Variants in SESN3 observed in about 807,000 individuals in gnomAD.
SESN3 encodes the protein sestrin-3.
SESN3 carries 21 observed loss-of-function variants against 55.3 expected under a neutral mutation model. The observed-to-expected ratio is 0.38, with a 90% confidence interval of 0.27 to 0.55. The LOEUF (loss-of-function observed/expected upper bound fraction) is 0.55. SESN3 is among the 20% of genes least tolerant of loss of function. The pLI, the probability that SESN3 is intolerant of heterozygous loss-of-function variation, is 0.76. For synonymous variants in SESN3, 181 were observed against 203.1 expected, an observed-to-expected ratio of 0.89 and a Z score of 0.93; for missense variants, 408 against 604.3, an observed-to-expected ratio of 0.68 and a Z score of 3.41.
rs7946073 is a variant in SESN3 at position 95,217,324 on chromosome 11, C to A, written c.78+13459G>T. ...TATAACAAGAGTTAGTCAGGGGACT[C>A]CCTGTCAAATATAATTTGAAGCATA... is the stretch of plus-strand genomic sequence containing the variant. On this transcript the variant is annotated intron_variant, in intron 1 of 9. Transcript: ENST00000536441. Among the ~76,000 whole-genome samples the A allele has an allele frequency of 8.4e-3, 1,284 of 152,154 alleles. 13 individuals carry two copies. Among genetic ancestry groups the A allele is most frequent in the African/African-American group, 0.03 (1,243 of 41,504 alleles).
intron 1 of SESN3, among the ~76,000 whole-genome samples, chr11:95,222,733 T>G (rs1860880074): frequency 6.6e-6 from 1 of 151,912 alleles, no homozygotes; most frequent in Admixed American, 6.6e-5. Context: ...GAAGGAAGAG[T>G]TGGAAGATTA....
At chr11:95,177,992 A>T in intron 7 of SESN3, 83 bp from the exon 8 acceptor site, 2 of 954,550 alleles carry the variant, frequency 2.1e-6, no homozygotes, top group Non-Finnish European at 3.1e-6. Context: ...CTAATGAAGC[A>T]AGTAAGCGAG....
Position 95,193,500 on chromosome 11 carries a change from T to G in SESN3, c.101A>C (p.Gln34Pro). ...LRKDKRIRVS[Q>P]PLTRGPSAFI... is the part of the protein sequence containing the mutation. ...GGCACTTGGTCCTCTTGTCAAGGGTTGAGACACTCTGATTCTTTTATCCTA... is the reference window on the plus strand; with the variant it reads ...GGCACTTGGTCCTCTTGTCAAGGGTGGAGACACTCTGATTCTTTTATCCTA... The change falls in exon 2 of 10, where the codon CAA (glutamine) becomes CCA (proline). Residue 34 changes from glutamine to proline, a missense_variant. Around this residue, in one of 4 missense-constraint regions of SESN3, gnomAD observed 61 missense variants for 48.3 expected, o/e 1.26. Coordinates refer to ENST00000536441, the MANE Select transcript of SESN3 (RefSeq NM_144665.4). The G allele has an allele frequency of 6.3e-7, 1 of 1,592,518 alleles. No individual in the cohort carries two copies. Among genetic ancestry groups the G allele is most frequent in the Non-Finnish European group, 8.6e-7 (1 of 1,161,900 alleles).
Position 95,193,520 on chromosome 11 carries a change from A to C in SESN3, c.81T>G (p.Asp27Glu), listed in dbSNP as rs771513625. The C allele has an allele frequency of 2.6e-5, 41 of 1,579,908 alleles. No individual in the cohort carries two copies. Among genetic ancestry groups the C allele is most frequent in the Admixed American group, 1.2e-4 (7 of 58,820 alleles). ...AGGGTTGAGACACTCTGATTCTTTTATCCTATTTTTAAAAGAAAAGTTTTA... is the reference window on the plus strand; with the variant it reads ...AGGGTTGAGACACTCTGATTCTTTTCTCCTATTTTTAAAAGAAAAGTTTTA... ...CTNCRKVLRK[D>E]KRIRVSQPLT... The change falls in exon 2 of 10, where the codon GAT becomes GAG. Residue 27 changes from aspartate to glutamate, a missense_variant and splice_region_variant. Transcript: ENST00000536441.
intron 1 of SESN3, among the ~76,000 whole-genome samples, chr11:95,226,350 T>C (rs1019264047): frequency 3.9e-5 from 6 of 152,236 alleles, no homozygotes; most frequent in African/African-American, 1.4e-4. Context: ...TCAAAAGATC[T>C]GTTAAAGACC....
chr11:95,198,345 CAA>C (rs199529391), intron 1 of SESN3, among the ~76,000 whole-genome samples: 286 of 126,158 alleles, frequency 2.3e-3, no homozygotes, highest in African/African-American at 4.4e-3. Flanking sequence ...TCCTCAATGT[CAA>C]AAAAAAAAAA....
At chr11:95,229,810 A>T (rs1015908184) in intron 1 of SESN3, among the ~76,000 whole-genome samples, 7 of 152,250 alleles carry the variant, frequency 4.6e-5, no homozygotes, top group African/African-American at 1.7e-4. Context: ...ATTCATTTGT[A>T]GTGAACAAAC....
chr11:95,175,223 G>A (rs545435514), intron 9 of SESN3, among the ~76,000 whole-genome samples: 1 of 152,238 alleles, frequency 6.6e-6, no homozygotes, highest in Non-Finnish European at 1.5e-5. Flanking sequence ...AATTAGCCAG[G>A]CGTGGTGGCA....
At chr11:95,184,345 C>G (rs1424917087) in intron 6 of SESN3, 75 bp downstream of exon 6, 1 of 1,188,884 alleles carries the variant, frequency 8.4e-7, no homozygotes, top group African/African-American at 1.5e-5. Context: ...TTTTACATAT[C>G]CACATGGAAA....
At chr11:95,199,598 T>C (rs1301439799) in intron 1 of SESN3, among the ~76,000 whole-genome samples, 1 of 152,088 alleles carries the variant, frequency 6.6e-6, no homozygotes, top group African/African-American at 2.4e-5. Context: ...TGTGAGTCTT[T>C]AGGAGTAATC....
intron 1 of SESN3, among the ~76,000 whole-genome samples, chr11:95,228,959 T>C (rs1299570833): frequency 6.6e-6 from 1 of 152,204 alleles, no homozygotes; most frequent in East Asian, 1.9e-4. Context: ...GCCATAGCTC[T>C]CTCAAAAGAA....
intron 1 of SESN3, among the ~76,000 whole-genome samples, chr11:95,224,638 C>T (rs1358184480): frequency 6.6e-6 from 1 of 152,190 alleles, no homozygotes; most frequent in African/African-American, 2.4e-5. Context: ...TACTTGATCT[C>T]AAGGGGACAG....
intron 1 of SESN3, among the ~76,000 whole-genome samples, chr11:95,217,820 A>C (rs115150812): frequency 0.01 from 1,562 of 152,296 alleles, 34 homozygotes; most frequent in African/African-American, 0.036. Flanking sequence ...ACAAATGTGC[A>C]ACCTAGATAA....
intron 2 of SESN3, 138 bp from the exon 3 acceptor site, chr11:95,191,739 C>T (rs1356503254): frequency 1.6e-6 from 1 of 641,244 alleles, no homozygotes. Flanking sequence ...GTTGCTCATA[C>T]TGGAAACAGA....
rs34308912 is a variant in SESN3 at position 95,183,681 on chromosome 11, C to CA, written c.937+738dup. Among the ~76,000 whole-genome samples the CA allele has an allele frequency of 5.2e-3, 479 of 92,994 alleles. 1 individual carries two copies. Among genetic ancestry groups the CA allele is most frequent in the Middle Eastern group, 0.024 (4 of 164 alleles). 61.0% of individuals were successfully genotyped at this position (92,994 alleles called of 152,430 possible). A position where few individuals can be genotyped will look rare whatever the true frequency, so the allele number is the denominator to read the frequency against. ...TGGGTGACAGAGCAAGACTCTGTCT[C>CA]AAAAAAAAAAAAAAAAAAAAGTTAT... On this transcript the variant is annotated intron_variant, in intron 6 of 9. Coordinates refer to ENST00000536441, the MANE Select transcript of SESN3 (RefSeq NM_144665.4).
intron 2 of SESN3, 132 bp from the exon 3 acceptor site, chr11:95,191,733 C>T: frequency 3.1e-6 from 2 of 654,806 alleles, no homozygotes; most frequent in Non-Finnish European, 5.2e-6. Flanking sequence ...TATGCAGTTG[C>T]TCATACTGGA....
At chr11:95,195,254 A>G (rs543333058) in intron 1 of SESN3, among the ~76,000 whole-genome samples, 1 of 152,280 alleles carries the variant, frequency 6.6e-6, no homozygotes, top group East Asian at 1.9e-4. Flanking sequence ...TTACCTTTAA[A>G]TGTTTCATAT....
At position 95,230,934 on chromosome 11, in the gene SESN3, G is replaced by C; in HGVS notation, c.-74C>G. Reference sequence around the variant, plus strand: ...CTGTCACTGCGGCCACTGCAGGGCCGGTCCGTCCCCCCGCCGCCAGCCGCG... The same window carrying C: ...CTGTCACTGCGGCCACTGCAGGGCCCGTCCGTCCCCCCGCCGCCAGCCGCG... On this transcript the variant is annotated 5_prime_UTR_variant, in exon 1 of 10. Coordinates refer to ENST00000536441, the MANE Select transcript of SESN3 (RefSeq NM_144665.4). The surrounding 1 kb of genome is among the most constrained non-coding windows in gnomAD (Gnocchi z 4.6). The C allele has an allele frequency of 2.0e-6, 2 of 987,684 alleles. No individual in the cohort carries two copies. The highest frequency in any genetic ancestry group is 4.3e-5 in the South Asian group (2 of 46,286). 61.2% of individuals were successfully genotyped at this position (987,684 alleles called of 1,614,324 possible). A position where few individuals can be genotyped will look rare whatever the true frequency, so the allele number is the denominator to read the frequency against.
At chr11:95,231,348 C>T, upstream of SESN3, 1 of 386,208 alleles carries the variant, frequency 2.6e-6, no homozygotes, top group Non-Finnish European at 4.6e-6. Flanking sequence ...TCGCGCCGGC[C>T]AATCGCAGGG....
Sources: gnomAD v4.1 joint callset for allele counts (sites outside exome capture counted in the v4.1 genomes callset) on GRCh38, gnomAD v4.1.1 for gene constraint, gnomAD v4.1.1 regional missense constraint, Gnocchi (gnomAD v3.1) non-coding constraint, MANE v1.5 for transcripts, NCBI Gene and HGNC (gene_info 2026-07-23, HGNC 2026-07-21) for gene names.